Variants in OVCH2 observed in about 807,000 individuals in gnomAD.
OVCH2 encodes the protein ovochymase-2.
In OVCH2, 88 loss-of-function variants were observed where a neutral mutation model predicts 73.7. That is an observed-to-expected ratio of 1.19 (90% CI 1.01 to 1.43). The LOEUF (loss-of-function observed/expected upper bound fraction) is 1.43, where lower values mean the gene tolerates loss of function less well. Among genes scored for constraint, OVCH2 ranks in the 40% most tolerant of loss-of-function variants. The pLI is 0.00. For synonymous variants in OVCH2, 265 were observed against 234.5 expected (o/e 1.13, Z -1.19); for missense variants, 706 against 674.5 (o/e 1.05, Z -0.52).
downstream of OVCH2, among the ~76,000 whole-genome samples, chr11:7,687,309 A>G (rs1309376621): frequency 2.5e-5 from 2 of 80,730 alleles, no homozygotes; most frequent in African/African-American, 7.9e-5. Flanking sequence ...TGGCTGTGGA[A>G]ATAATAATAA....
downstream of OVCH2, among the ~76,000 whole-genome samples, chr11:7,685,549 T>C (rs1415618599): frequency 6.6e-6 from 1 of 151,308 alleles, no homozygotes; most frequent in Admixed American, 6.6e-5. Flanking sequence ...TTTCCTTAGG[T>C]TGTCTTCCAG....
the OVCH2 span, among the ~76,000 whole-genome samples, chr11:7,683,384 A>G: frequency 0.044 from 6,721 of 152,200 alleles, 203 homozygotes; most frequent in Admixed American, 0.11. Context: ...CATATCCAAT[A>G]TATCAGGGGA....
intron 13 of OVCH2, 26 bp downstream of exon 13, chr11:7,691,876 C>G (rs137954827): frequency 6.6e-7 from 1 of 1,525,702 alleles, no homozygotes; most frequent in Non-Finnish European, 8.9e-7. Context: ...CAAACCAGAG[C>G]GAGCTGAGGC....
the OVCH2 span, among the ~76,000 whole-genome samples, chr11:7,684,354 C>T: frequency 6.6e-4 from 101 of 152,152 alleles, no homozygotes; most frequent in South Asian, 6.2e-3. Context: ...TTGTGAGCCT[C>T]GTCCCTGTGA....
chr11:7,695,577 G>A lies in OVCH2; in HGVS notation c.1275C>T (p.Tyr425=), dbSNP rs1237679372. Residue 425 remains tyrosine, a synonymous_variant, in exon 11 of 16, where the codon TAC becomes TAT. Coordinates refer to ENST00000533663, the MANE Select transcript of OVCH2 (RefSeq NM_198185.7). ...AAAAGTAAATGGTTTTACCAGGAATGTAGTTTGGTTTAAGAGCTTTATAGG... is the reference window on the plus strand; with the variant it reads ...AAAAGTAAATGGTTTTACCAGGAATATAGTTTGGTTTAAGAGCTTTATAGG... The part of the protein sequence containing the change: ...NLTYKALKPN[Y]IPDSGCSYLT... The A allele has an allele frequency of 6.2e-7, 1 of 1,612,828 alleles. No homozygotes were observed.
At chr11:7,683,257 C>G in the OVCH2 span, among the ~76,000 whole-genome samples, 1 of 152,198 alleles carries the variant, frequency 6.6e-6, no homozygotes, top group Non-Finnish European at 1.5e-5. Flanking sequence ...ATACTAACTC[C>G]TGGTATCTAC....
intron 12 of OVCH2, among the ~76,000 whole-genome samples, chr11:7,693,923 A>G (rs1856269890): frequency 6.6e-6 from 1 of 152,122 alleles, no homozygotes; most frequent in African/African-American, 2.4e-5. Context: ...TTTAAGTTCT[A>G]ACTTAGTGTG....
At position 7,691,903 on chromosome 11, in the gene OVCH2, T is replaced by A. The variant is rs1239617791; in HGVS notation, c.1506A>T (p.Ile502=). The part of the protein sequence containing the change: ...VHSDVERKKE[I]ARLCGYDVPT... ...AGCTGAGGCTCAGAGGACACAAACC[T>A]ATTTCCTTCTTCCTTTCTACATCGC... The change falls in exon 13 of 16, where the codon ATA becomes ATT. Residue 502 remains isoleucine (I), a splice_region_variant and synonymous_variant. Transcript: ENST00000533663. The A allele has an allele frequency of 6.4e-7, 1 of 1,562,496 alleles. No homozygotes were observed. The highest frequency in any genetic ancestry group is 1.9e-5 in the Admixed American group (1 of 52,746).
At chr11:7,704,770 T>C (rs1016822500) in intron 1 of OVCH2, 96 bp from the exon 2 acceptor site, 2 of 743,852 alleles carry the variant, frequency 2.7e-6, no homozygotes, top group African/African-American at 3.5e-5. Flanking sequence ...TCTGAGACTA[T>C]GGTGTATGGT....
intron 13 of OVCH2, 79 bp downstream of exon 13, chr11:7,691,823 A>G: frequency 1.8e-6 from 2 of 1,090,030 alleles, no homozygotes; most frequent in Non-Finnish European, 2.7e-6. Flanking sequence ...AGGAAGATTG[A>G]TCTGTCTCCT....
intron 12 of OVCH2, among the ~76,000 whole-genome samples, chr11:7,694,606 G>GTT (rs11395703): frequency 0.085 from 9,733 of 114,708 alleles, 397 homozygotes; most frequent in Non-Finnish European, 0.092. Flanking sequence ...CCAACACAAA[G>GTT]TTTTTGTTTT....
the OVCH2 span, among the ~76,000 whole-genome samples, chr11:7,681,264 G>A: frequency 6.6e-6 from 1 of 152,150 alleles, no homozygotes; most frequent in Non-Finnish European, 1.5e-5. Flanking sequence ...AAGGATTTTA[G>A]ACTAAAATAT....
intron 5 of OVCH2, 56 bp downstream of exon 5, chr11:7,701,660 T>G (rs997450720): frequency 1.3e-5 from 20 of 1,537,466 alleles, no homozygotes; most frequent in Non-Finnish European, 1.6e-5. Context: ...CATTTTCTGA[T>G]TGCCCACCAG....
At chr11:7,681,350 G>A in the OVCH2 span, among the ~76,000 whole-genome samples, 1 of 152,136 alleles carries the variant, frequency 6.6e-6, no homozygotes, top group Non-Finnish European at 1.5e-5. Flanking sequence ...TTTGCTTTCT[G>A]GAATATCTTC....
At chr11:7,684,851 G>T (rs1428833120), downstream of OVCH2, among the ~76,000 whole-genome samples, 1 of 152,058 alleles carries the variant, frequency 6.6e-6, no homozygotes, top group African/African-American at 2.4e-5. Flanking sequence ...GAGAGTCTGG[G>T]AAGACAATGA....
At chr11:7,698,166 CT>C (rs1856370941) in intron 8 of OVCH2, among the ~76,000 whole-genome samples, 1 of 152,142 alleles carries the variant, frequency 6.6e-6, no homozygotes, top group South Asian at 2.1e-4. Flanking sequence ...CAGAGCTCCC[CT>C]GTGAGTTTAT....
At chr11:7,691,807 A>G in intron 13 of OVCH2, 95 bp downstream of exon 13, 1 of 915,436 alleles carries the variant, frequency 1.1e-6, no homozygotes, top group Admixed American at 2.2e-5. Flanking sequence ...TGGTGCAGGA[A>G]GATGGAGGAA....
intron 12 of OVCH2, among the ~76,000 whole-genome samples, chr11:7,692,921 A>C (rs140079413): frequency 6.6e-6 from 1 of 152,216 alleles, no homozygotes; most frequent in East Asian, 1.9e-4. Flanking sequence ...ATTTTTTGCT[A>C]TCTTAAAAAC....
the OVCH2 span, among the ~76,000 whole-genome samples, chr11:7,683,438 C>CTAG: frequency 1.3e-5 from 2 of 152,174 alleles, no homozygotes; most frequent in African/African-American, 4.8e-5. Context: ...ATCTGACTTA[C>CTAG]CACTTCCACT....
Sources: gnomAD v4.1 joint callset for allele counts (sites outside exome capture counted in the v4.1 genomes callset) on GRCh38, gnomAD v4.1.1 for gene constraint, MANE v1.5 for transcripts, NCBI Gene and HGNC (gene_info 2026-07-23, HGNC 2026-07-21) for gene names.